HPSE2: variants seen among roughly 807,000 people sequenced by gnomAD.
The protein encoded by HPSE2 is heparanase 2 (inactive).
HPSE2 carries 38 observed loss-of-function variants against 60.5 expected under a neutral mutation model. That is an observed-to-expected ratio of 0.63 (90% CI 0.48 to 0.82). HPSE2 has a LOEUF of 0.82. Ranked by LOEUF, HPSE2 falls within the 40% of genes least tolerant of loss-of-function variation. The pLI is 0.00. For missense variants in HPSE2, 713 were observed against 740.4 expected (o/e 0.96, Z 0.43); for synonymous variants, 295 against 293.2 (o/e 1.01, Z -0.06).
intron 3 of HPSE2, among the ~76,000 whole-genome samples, chr10:98,796,408 T>G (rs1178190491): frequency 2.0e-5 from 3 of 152,206 alleles, no homozygotes; most frequent in Non-Finnish European, 4.4e-5. Context: ...GGGCTGCTGA[T>G]GGTGGTGGCC....
At chr10:98,785,775 G>C (rs1487012455) in intron 3 of HPSE2, among the ~76,000 whole-genome samples, 1 of 27,564 alleles carries the variant, frequency 3.6e-5, no homozygotes, top group African/African-American at 2.2e-4. Context: ...TATTTCTGTG[G>C]GATCGGTGGT....
intron 9 of HPSE2, among the ~76,000 whole-genome samples, chr10:98,546,780 C>A (rs1589401470): frequency 6.6e-6 from 1 of 150,744 alleles, no homozygotes; most frequent in East Asian, 2.0e-4. Flanking sequence ...AAAGCAATGG[C>A]AACAAAAGCC....
chr10:98,461,784 A>T, intron 11 of HPSE2: 1 of 1,592,868 alleles, frequency 6.3e-7, no homozygotes, highest in Non-Finnish European at 8.6e-7. Flanking sequence ...GCCCTTTTAG[A>T]TTCAGATGAT....
chr10:99,155,301 T>A (rs1378515754), intron 2 of HPSE2, among the ~76,000 whole-genome samples: 2 of 131,062 alleles, frequency 1.5e-5, no homozygotes, highest in African/African-American at 2.7e-5. Context: ...AGAATATACA[T>A]TTTTTTCAGC....
chr10:99,005,996 G>A (rs1053518708), intron 3 of HPSE2, among the ~76,000 whole-genome samples: 1 of 152,124 alleles, frequency 6.6e-6, no homozygotes, highest in Admixed American at 6.5e-5. Flanking sequence ...ACACCAGAGT[G>A]GACCTGTTGA....
At position 98,799,124 on chromosome 10, in the gene HPSE2, C is replaced by T. The variant is rs377610714; in HGVS notation, c.611-55068G>A. On this transcript the variant is annotated intron_variant, in intron 3 of 11. Coordinates refer to ENST00000370552, the MANE Select transcript of HPSE2 (RefSeq NM_021828.5). Reference sequence around the variant, plus strand: ...TTCCATGCCAATGAAAACCAAAAAACAGCAGGAGAGTCATACTTATATCAG... The same window carrying T: ...TTCCATGCCAATGAAAACCAAAAAATAGCAGGAGAGTCATACTTATATCAG... Among the ~76,000 whole-genome samples the T allele has an allele frequency of 2.1e-4, 32 of 152,088 alleles. No individual in the cohort carries two copies. In the East Asian group the frequency reaches 4.3e-3, roughly 20 times the overall value.
At chr10:98,658,674 A>G (rs1207854014) in intron 6 of HPSE2, among the ~76,000 whole-genome samples, 14 of 152,124 alleles carry the variant, frequency 9.2e-5, no homozygotes, top group Admixed American at 5.2e-4. Context: ...TTCACACAAT[A>G]CTTTTATATA....
chr10:98,678,249 T>C (rs951556256), intron 6 of HPSE2, among the ~76,000 whole-genome samples: 4 of 152,164 alleles, frequency 2.6e-5, no homozygotes, highest in East Asian at 1.9e-4. Context: ...CAATTTTTCT[T>C]ACATTTTTCC....
intron 3 of HPSE2, among the ~76,000 whole-genome samples, chr10:99,027,518 A>G (rs1438566988): frequency 6.6e-6 from 1 of 152,240 alleles, no homozygotes; most frequent in East Asian, 1.9e-4. Flanking sequence ...TCACTGATGA[A>G]TTCTACAAAA....
chr10:98,949,076 T>C (rs1241552837), intron 3 of HPSE2, among the ~76,000 whole-genome samples: 1 of 152,066 alleles, frequency 6.6e-6, no homozygotes, highest in African/African-American at 2.4e-5. Context: ...ACTCCCGTGT[T>C]TTCAGGGGTC....
rs1188534316 is a variant in HPSE2 at position 98,755,481 on chromosome 10, T to C, written c.611-11425A>G. Among the ~76,000 whole-genome samples, 4 of 152,106 alleles carry C rather than the reference T, an allele frequency of 2.6e-5. No individual in the cohort carries two copies. The East Asian group carries it at 5.8e-4, about 22-fold the overall frequency. On this transcript the variant is annotated intron_variant, in intron 3 of 11. Coordinates refer to ENST00000370552, the MANE Select transcript of HPSE2 (RefSeq NM_021828.5). ...TCATCGAGGCAGAAAACTCCAAAGA[T>C]ATTTGGGAACTAAAACTCAGCACTT...
intron 2 of HPSE2, among the ~76,000 whole-genome samples, chr10:99,167,844 TAATA>T (rs1189829746): frequency 2.0e-5 from 3 of 152,176 alleles, no homozygotes; most frequent in Non-Finnish European, 4.4e-5. Context: ...ACTGATATCT[TAATA>T]ATACTGAGTC....
chr10:99,223,119 G>A (rs1333157579), intron 2 of HPSE2, among the ~76,000 whole-genome samples: 5 of 152,146 alleles, frequency 3.3e-5, no homozygotes, highest in African/African-American at 7.2e-5. Flanking sequence ...AAGGTTTAAT[G>A]ATTGATATCA....
chr10:98,819,936 AATAAT>A (rs752763729), intron 3 of HPSE2, among the ~76,000 whole-genome samples: 3 of 152,108 alleles, frequency 2.0e-5, no homozygotes, highest in Non-Finnish European at 4.4e-5. Context: ...ATGAAACATT[AATAAT>A]ATTGTCACTC....
intron 3 of HPSE2, among the ~76,000 whole-genome samples, chr10:98,845,742 C>A (rs1565205695): frequency 6.6e-6 from 1 of 152,150 alleles, no homozygotes; most frequent in African/African-American, 2.4e-5. Flanking sequence ...CAGGGGACTT[C>A]CCGTCTACTC....
intron 3 of HPSE2, among the ~76,000 whole-genome samples, chr10:99,096,834 G>A (rs933748117): frequency 6.6e-6 from 1 of 152,082 alleles, no homozygotes. Context: ...CTATGTTCAG[G>A]AGCAAAGGGG....
At chr10:98,960,508 A>G (rs1028276318) in intron 3 of HPSE2, among the ~76,000 whole-genome samples, 1 of 152,054 alleles carries the variant, frequency 6.6e-6, no homozygotes. Flanking sequence ...AAAATTATGA[A>G]AAGGGGCTGA....
the HPSE2 span, among the ~76,000 whole-genome samples, chr10:99,287,420 G>C: frequency 6.6e-6 from 1 of 152,100 alleles, no homozygotes; most frequent in Non-Finnish European, 1.5e-5. Flanking sequence ...ACTGCCATCA[G>C]AGGAGTCCCA....
At chr10:99,079,990 T>C (rs1843078694) in intron 3 of HPSE2, among the ~76,000 whole-genome samples, 1 of 152,152 alleles carries the variant, frequency 6.6e-6, no homozygotes, top group Non-Finnish European at 1.5e-5. Context: ...TATGGTACTG[T>C]GCCAGGGTAG....
Sources: gnomAD v4.1 joint callset for allele counts (sites outside exome capture counted in the v4.1 genomes callset) on GRCh38, gnomAD v4.1.1 for gene constraint, MANE v1.5 for transcripts, NCBI Gene and HGNC (gene_info 2026-07-23, HGNC 2026-07-21) for gene names.